The following PRELID2 variants were observed in gnomAD, a reference collection of about 807,000 sequenced individuals.
PRELID2 encodes PRELI domain containing 2.
In PRELID2, 25 loss-of-function variants were observed where a neutral mutation model predicts 28.4. That is an observed-to-expected ratio of 0.88 (90% CI 0.64 to 1.23). The LOEUF (loss-of-function observed/expected upper bound fraction) is 1.23, where lower values mean the gene tolerates loss of function less well. Among genes scored for constraint, PRELID2 ranks in the 50% most tolerant of loss-of-function variants. The pLI is 0.00. For synonymous variants in PRELID2, 76 were observed against 71.6 expected (o/e 1.06, Z -0.31); for missense variants, 201 against 214.4 (o/e 0.94, Z 0.39).
At chr5:145,488,073 G>A (rs1334855877) in intron 1 of PRELID2, among the ~76,000 whole-genome samples, 8 of 140,628 alleles carry the variant, frequency 5.7e-5, no homozygotes, top group East Asian at 4.3e-4. Flanking sequence ...GCAGTGAGCC[G>A]AGATCACACC....
chr5:145,691,334 G>A (rs1755144796), intron 1 of PRELID2, among the ~76,000 whole-genome samples: 2 of 152,196 alleles, frequency 1.3e-5, no homozygotes, highest in African/African-American at 4.8e-5. Flanking sequence ...ACACTTAAAG[G>A]AATGAGAAGT....
chr5:145,708,003 A>G (rs1755592883), intron 1 of PRELID2, among the ~76,000 whole-genome samples: 1 of 152,108 alleles, frequency 6.6e-6, no homozygotes, highest in African/African-American at 2.4e-5. Context: ...CTCAATAAAT[A>G]CCTGTTGAAT....
intron 1 of PRELID2, among the ~76,000 whole-genome samples, chr5:145,557,885 C>A (rs917684153): frequency 1.3e-5 from 2 of 152,004 alleles, no homozygotes; most frequent in East Asian, 1.9e-4. Context: ...AAATTTGGGA[C>A]CAAAATGGCT....
chr5:145,298,168 C>A, the PRELID2 span, among the ~76,000 whole-genome samples: 3 of 152,040 alleles, frequency 2.0e-5, no homozygotes, highest in Non-Finnish European at 2.9e-5. Flanking sequence ...CCCAGTCAAT[C>A]CTAAGCCAAA....
chr5:145,831,657 A>G (rs989644662), intron 1 of PRELID2, among the ~76,000 whole-genome samples: 2 of 152,220 alleles, frequency 1.3e-5, no homozygotes, highest in Non-Finnish European at 2.9e-5. Flanking sequence ...ATAGAAAGAA[A>G]GGAAGTACAG....
intron 1 of PRELID2, among the ~76,000 whole-genome samples, chr5:145,730,056 G>T (rs2400199): frequency 0.82 from 123,905 of 151,882 alleles, 50,960 homozygotes; most frequent in East Asian, 0.88. Context: ...GAAGCAAGGA[G>T]CCAGCAAGTC....
chr5:145,779,124 A>G (rs1342210204), intron 5 of PRELID2, among the ~76,000 whole-genome samples: 1 of 152,212 alleles, frequency 6.6e-6, no homozygotes, highest in Non-Finnish European at 1.5e-5. Context: ...CATAAAGTCT[A>G]ACCCTTTTGG....
chr5:145,657,954 A>G (rs1754424476), intron 1 of PRELID2, among the ~76,000 whole-genome samples: 1 of 152,144 alleles, frequency 6.6e-6, no homozygotes, highest in Non-Finnish European at 1.5e-5. Flanking sequence ...CCCCCATCTC[A>G]TCCCATATTC....
chr5:145,734,593 C>T (rs1756441530), intron 1 of PRELID2, among the ~76,000 whole-genome samples: 1 of 152,130 alleles, frequency 6.6e-6, no homozygotes, highest in Non-Finnish European at 1.5e-5. Context: ...TATTAATTAG[C>T]ATGTTTTATG....
Position 145,823,136 on chromosome 5 carries a change from TA to T in PRELID2, c.76-3del. ...ATTTTTATCCATGGGGTTGGGGTAC[TA>T]AACAAAAATATATAAAAAAGAATTA... On this transcript the variant is annotated splice_polypyrimidine_tract_variant and splice_region_variant and intron_variant, in intron 1 of 6. Coordinates refer to ENST00000683046, the MANE Select transcript of PRELID2 (RefSeq NM_205846.3). 7.1e-7 allele frequency: 1 copy of T among 1,409,754 alleles called. No individual in the cohort carries two copies. The highest frequency in any genetic ancestry group is 1.0e-6 in the Non-Finnish European group (1 of 995,536). 87.3% of individuals were successfully genotyped at this position (1,409,754 alleles called of 1,614,324 possible). A position where few individuals can be genotyped will look rare whatever the true frequency, so the allele number is the denominator to read the frequency against.
chr5:145,402,624 T>C, the PRELID2 span, among the ~76,000 whole-genome samples: 1 of 152,178 alleles, frequency 6.6e-6, no homozygotes, highest in Non-Finnish European at 1.5e-5. Flanking sequence ...TCTCTGAGTC[T>C]CTACAAGATA....
intron 1 of PRELID2, among the ~76,000 whole-genome samples, chr5:145,663,553 G>C (rs1374998791): frequency 1.2e-4 from 18 of 152,152 alleles, no homozygotes; most frequent in Admixed American, 1.2e-3. Context: ...AAGAGAAATA[G>C]TGAATTTGGT....
the PRELID2 span, among the ~76,000 whole-genome samples, chr5:145,284,008 G>A: frequency 5.3e-5 from 8 of 152,140 alleles, no homozygotes; most frequent in East Asian, 1.9e-4. Context: ...AAAGTGCCAC[G>A]GTCAAAGAGA....
chr5:145,430,219 A>C, the PRELID2 span, among the ~76,000 whole-genome samples: 1 of 152,204 alleles, frequency 6.6e-6, no homozygotes, highest in African/African-American at 2.4e-5. Flanking sequence ...GTATTGCCTG[A>C]TACCTACAGC....
At chr5:145,804,407 G>A (rs1484188044) in intron 4 of PRELID2, among the ~76,000 whole-genome samples, 1 of 152,110 alleles carries the variant, frequency 6.6e-6, no homozygotes, top group African/African-American at 2.4e-5. Flanking sequence ...CTACTCGGGA[G>A]GCTGAGGCAG....
chr5:145,780,930 G>C (rs532070047), intron 5 of PRELID2, among the ~76,000 whole-genome samples: 48 of 152,058 alleles, frequency 3.2e-4, no homozygotes, highest in Non-Finnish European at 6.0e-4. Flanking sequence ...GCTAGCCAAG[G>C]AAAAAGGAGT....
chr5:145,586,873 C>T (rs1356156757), intron 1 of PRELID2, among the ~76,000 whole-genome samples: 1 of 152,090 alleles, frequency 6.6e-6, no homozygotes, highest in African/African-American at 2.4e-5. Context: ...GACCTTTAGA[C>T]CCATTATCCA....
chr5:145,291,087 C>T, the PRELID2 span, among the ~76,000 whole-genome samples: 2 of 151,596 alleles, frequency 1.3e-5, no homozygotes, highest in Middle Eastern at 3.4e-3. Context: ...CACCTGTAAT[C>T]CCAGCACTTT....
At chr5:145,267,740 T>TC in the PRELID2 span, among the ~76,000 whole-genome samples, 33 of 152,302 alleles carry the variant, frequency 2.2e-4, no homozygotes, top group African/African-American at 7.2e-4. Flanking sequence ...CAAACTGCTC[T>TC]CCATAGTGGT....
Sources: allele counts gnomAD v4.1 joint callset (sites outside exome capture counted in the v4.1 genomes callset), GRCh38; gene constraint gnomAD v4.1.1; transcripts MANE v1.5; gene names NCBI Gene and HGNC (gene_info 2026-07-23, HGNC 2026-07-21).